The following RAP1GDS1 variants were observed in gnomAD, a reference collection of about 807,000 sequenced individuals.
The protein encoded by RAP1GDS1 is Rap1 GTPase-GDP dissociation stimulator 1, also known as RAP1, GTP-GDP dissociation stimulator 1.
RAP1GDS1 carries 35 observed loss-of-function variants against 71.1 expected under a neutral mutation model. The observed-to-expected ratio is 0.49, with a 90% CI of 0.38 to 0.65. The LOEUF is 0.65. RAP1GDS1 is among the 30% of genes least tolerant of loss of function. RAP1GDS1 has a pLI of 0.00. For missense variants in RAP1GDS1, 663 were observed against 706.1 expected (o/e 0.94, Z 0.69); for synonymous variants, 229 against 243.1 (o/e 0.94, Z 0.54).
chr4:98,375,808 C>G (rs1578643407), intron 4 of RAP1GDS1, among the ~76,000 whole-genome samples: 1 of 152,170 alleles, frequency 6.6e-6, no homozygotes, highest in African/African-American at 2.4e-5. Context: ...ATTTGCCATA[C>G]ACAAGGAGGA....
At chr4:98,302,045 A>G (rs920656984) in intron 2 of RAP1GDS1, among the ~76,000 whole-genome samples, 1 of 152,182 alleles carries the variant, frequency 6.6e-6, no homozygotes, top group Admixed American at 6.5e-5. Flanking sequence ...AAAATAAAAA[A>G]TTATACACTG....
intron 2 of RAP1GDS1, among the ~76,000 whole-genome samples, chr4:98,322,778 G>C (rs1451052532): frequency 6.8e-5 from 9 of 132,720 alleles, no homozygotes; most frequent in Non-Finnish European, 9.3e-5. Flanking sequence ...GCAGTGTGTA[G>C]AGGGAAATTT....
At chr4:98,358,996 A>G (rs1028072732) in intron 4 of RAP1GDS1, among the ~76,000 whole-genome samples, 2 of 152,078 alleles carry the variant, frequency 1.3e-5, no homozygotes, top group African/African-American at 4.8e-5. Context: ...CCTATGGGAA[A>G]TGACCTTGTT....
At chr4:98,430,018 T>C (rs1750171498) in intron 12 of RAP1GDS1, among the ~76,000 whole-genome samples, 1 of 152,142 alleles carries the variant, frequency 6.6e-6, no homozygotes, top group Admixed American at 6.6e-5. Context: ...AATGCTATAA[T>C]ATTTAATAAA....
At chr4:98,346,428 G>T (rs1736268519) in intron 3 of RAP1GDS1, among the ~76,000 whole-genome samples, 1 of 151,998 alleles carries the variant, frequency 6.6e-6, no homozygotes, top group Admixed American at 6.6e-5. Flanking sequence ...ATGCATGTGT[G>T]CCCTAGAAAA....
chr4:98,379,599 T>G (rs910927467), intron 5 of RAP1GDS1: 4 of 150,728 alleles, frequency 2.7e-5, no homozygotes, highest in African/African-American at 7.5e-5. Context: ...AAATCTGGCT[T>G]TAGAAACAAG....
At chr4:98,274,744 GA>G (rs1434604254) in intron 1 of RAP1GDS1, among the ~76,000 whole-genome samples, 1 of 152,084 alleles carries the variant, frequency 6.6e-6, no homozygotes, top group East Asian at 1.9e-4. Flanking sequence ...GACTTCTTGA[GA>G]AAAAACTAAG....
intron 2 of RAP1GDS1, among the ~76,000 whole-genome samples, chr4:98,327,321 G>GA (rs1733277248): frequency 6.6e-6 from 1 of 152,030 alleles, no homozygotes; most frequent in Admixed American, 6.6e-5. Context: ...GTTTTTAATA[G>GA]AAAAAAATGA....
At chr4:98,273,134 T>C (rs1445238170) in intron 1 of RAP1GDS1, among the ~76,000 whole-genome samples, 1 of 152,188 alleles carries the variant, frequency 6.6e-6, no homozygotes, top group Admixed American at 6.6e-5. Flanking sequence ...CAAAACTTCT[T>C]GAGCCACCAC....
Position 98,364,087 on chromosome 4 carries a change from C to G in RAP1GDS1, c.361+11486C>G, listed in dbSNP as rs142017355. On this transcript the variant is annotated intron_variant, in intron 4 of 14. Coordinates refer to ENST00000408927, the MANE Select transcript of RAP1GDS1 (RefSeq NM_001100427.2). Reference sequence around the variant, plus strand: ...TGCAGGCATTATTAAGTCTGAGATTCTTCATAGAGACACAAGAAGAAATGG... The same window carrying G: ...TGCAGGCATTATTAAGTCTGAGATTGTTCATAGAGACACAAGAAGAAATGG... Among the ~76,000 whole-genome samples the G allele has an allele frequency of 5.8e-4, 88 of 152,134 alleles. No individual in the cohort carries two copies. In the East Asian group the frequency reaches 0.015, roughly 26 times the overall value.
intron 2 of RAP1GDS1, among the ~76,000 whole-genome samples, chr4:98,311,840 T>C (rs959139140): frequency 6.6e-6 from 1 of 152,218 alleles, no homozygotes; most frequent in African/African-American, 2.4e-5. Flanking sequence ...GGTCTCACTA[T>C]GTTGTCCAGG....
In RAP1GDS1 at chr4:98,302,982, G is replaced by T. The variant is rs1728789688; in HGVS notation, c.112+9467G>T. ...AATTGCTTGAGCCCGGGAGACGGAG[G>T]TTGCAGTGAGCAGAGATTGCGTGAC... is the stretch of plus-strand genomic sequence containing the variant. On this transcript the variant is annotated intron_variant, in intron 2 of 14. Transcript: ENST00000408927. 2.0e-5 allele frequency among the ~76,000 whole-genome samples: 3 copies of T among 151,998 alleles called. No homozygotes were observed. The South Asian group carries it at 6.2e-4, about 32-fold the overall frequency.
At chr4:98,301,197 CCTT>C (rs1298018318) in intron 2 of RAP1GDS1, among the ~76,000 whole-genome samples, 2 of 151,158 alleles carry the variant, frequency 1.3e-5, no homozygotes, top group South Asian at 2.1e-4. Context: ...TTTTTTTTTA[CCTT>C]CTTTACTTTT....
intron 6 of RAP1GDS1, among the ~76,000 whole-genome samples, chr4:98,401,119 C>T (rs1007999448): frequency 3.9e-5 from 6 of 152,136 alleles, no homozygotes; most frequent in African/African-American, 1.2e-4. Context: ...GGCATGCTTT[C>T]AAGAAGCAAC....
chr4:98,390,340 T>C (rs1031247131), intron 5 of RAP1GDS1, among the ~76,000 whole-genome samples: 1 of 152,202 alleles, frequency 6.6e-6, no homozygotes, highest in Non-Finnish European at 1.5e-5. Context: ...AAAGTATAAA[T>C]ACAGATTACT....
At chr4:98,383,364 T>C (rs1004997559) in intron 5 of RAP1GDS1, among the ~76,000 whole-genome samples, 1 of 151,570 alleles carries the variant, frequency 6.6e-6, no homozygotes, top group Non-Finnish European at 1.5e-5. Context: ...ATTATTAACA[T>C]ATGCAGTCTA....
chr4:98,412,937 CA>C (rs890738095), intron 7 of RAP1GDS1, among the ~76,000 whole-genome samples: 5 of 152,078 alleles, frequency 3.3e-5, no homozygotes, highest in Admixed American at 1.3e-4. Flanking sequence ...GATCACAAGG[CA>C]AAGGGCAAAA....
chr4:98,305,694 A>G (rs6825851), intron 2 of RAP1GDS1, among the ~76,000 whole-genome samples: 4,442 of 152,226 alleles, frequency 0.029, 204 homozygotes, highest in African/African-American at 0.1. Context: ...TGTACTTTAT[A>G]AAAGGCAAAA....
intron 2 of RAP1GDS1, among the ~76,000 whole-genome samples, chr4:98,302,716 A>T (rs1432457112): frequency 6.6e-6 from 1 of 152,126 alleles, no homozygotes; most frequent in Non-Finnish European, 1.5e-5. Context: ...ACAGAGGAAA[A>T]AATCCTCAAG....
Sources: allele counts gnomAD v4.1 joint callset (sites outside exome capture counted in the v4.1 genomes callset), GRCh38; gene constraint gnomAD v4.1.1; transcripts MANE v1.5; gene names NCBI Gene and HGNC (gene_info 2026-07-23, HGNC 2026-07-21).